The following UGT1A10 variants were observed in gnomAD, a reference collection of about 807,000 sequenced individuals.
UGT1A10 encodes the protein UDP-glucuronosyltransferase 1A10.
A neutral mutation model predicts 45.8 loss-of-function variants in UGT1A10; 49 were observed. The observed-to-expected ratio is 1.07, with a 90% confidence interval of 0.85 to 1.36. The LOEUF is 1.36. UGT1A10 is among the 40% of genes most tolerant of loss of function. The pLI is 0.00. For synonymous variants in UGT1A10, 284 were observed against 249.7 expected (o/e 1.14, Z -1.29); for missense variants, 745 against 668.6 (o/e 1.11, Z -1.26).
intron 1 of UGT1A10, among the ~76,000 whole-genome samples, chr2:233,657,055 C>T (rs2073870971): frequency 6.6e-6 from 1 of 152,116 alleles, no homozygotes; most frequent in Admixed American, 6.6e-5. Flanking sequence ...CTTCCCCTCA[C>T]CAGCTTCTTT....
intron 1 of UGT1A10, among the ~76,000 whole-genome samples, chr2:233,656,265 C>T (rs751110291): frequency 1.5e-4 from 23 of 152,204 alleles, no homozygotes; most frequent in Non-Finnish European, 2.8e-4. Context: ...CAAAAGGTCT[C>T]TTCAGGGCAC....
At chr2:233,747,652 A>G in intron 1 of UGT1A10, 1 of 1,589,470 alleles carries the variant, frequency 6.3e-7, no homozygotes, top group East Asian at 2.2e-5. Flanking sequence ...ACTTCCTTCG[A>G]TGTGGTTTTA....
In UGT1A10 at chr2:233,636,994, G is replaced by A. The variant is rs1435665031; in HGVS notation, c.472G>A (p.Ala158Thr). ...TTTTGATACCTGTGGCTTAATTGTT[G>A]CTAAATATTTCTCCCTCCCCTCTGT... ...DPFDTCGLIV[A>T]KYFSLPSVVF... The change falls in exon 1 of 5, where the codon GCT (alanine) becomes ACT (threonine). Residue 158 changes from alanine to threonine, a missense_variant. By Grantham distance (58) the Ala-to-Thr change is moderately conservative. Transcript: ENST00000344644. The A allele has an allele frequency of 6.2e-7, 1 of 1,613,826 alleles. No homozygotes were observed. The highest frequency in any genetic ancestry group is 8.5e-7 in the Non-Finnish European group (1 of 1,179,998).
intron 1 of UGT1A10, among the ~76,000 whole-genome samples, chr2:233,764,647 G>A (rs1256748841): frequency 6.6e-6 from 1 of 152,124 alleles, no homozygotes; most frequent in Non-Finnish European, 1.5e-5. Context: ...GGAAATTTAA[G>A]TAAGCCATTT....
chr2:233,685,726 C>T (rs900091583), intron 1 of UGT1A10, among the ~76,000 whole-genome samples: 13 of 152,166 alleles, frequency 8.5e-5, no homozygotes, highest in Admixed American at 3.3e-4. Context: ...TGTACTGCTT[C>T]GTCTTTCTCC....
At chr2:233,669,276 A>T (rs1202746582) in intron 1 of UGT1A10, among the ~76,000 whole-genome samples, 3 of 152,094 alleles carry the variant, frequency 2.0e-5, no homozygotes, top group African/African-American at 7.2e-5. Context: ...TATTTTTTAA[A>T]AGTTATTTTT....
intron 1 of UGT1A10, among the ~76,000 whole-genome samples, chr2:233,647,550 T>G (rs2073636725): frequency 6.6e-6 from 1 of 152,230 alleles, no homozygotes; most frequent in East Asian, 1.9e-4. Flanking sequence ...AAGTCAAAAT[T>G]CAATTTGAAT....
chr2:233,694,000 G>A (rs763633601), intron 1 of UGT1A10: 38 of 1,484,348 alleles, frequency 2.6e-5, no homozygotes, highest in Middle Eastern at 2.5e-4. Context: ...TACCCGGCTC[G>A]GAGCAGCGGG....
chr2:233,721,249 T>C (rs2076931070), intron 1 of UGT1A10, among the ~76,000 whole-genome samples: 1 of 152,214 alleles, frequency 6.6e-6, no homozygotes, highest in Non-Finnish European at 1.5e-5. Flanking sequence ...GTAAAAAATA[T>C]ATATGTTCTT....
intron 1 of UGT1A10, among the ~76,000 whole-genome samples, chr2:233,750,390 A>T (rs1292559370): frequency 3.9e-5 from 6 of 151,942 alleles, no homozygotes; most frequent in Admixed American, 2.0e-4. Context: ...AAGTTTGGAA[A>T]ATTTGCAGCC....
At chr2:233,757,033 A>T (rs1308821076) in intron 1 of UGT1A10, among the ~76,000 whole-genome samples, 1 of 151,746 alleles carries the variant, frequency 6.6e-6, no homozygotes, top group African/African-American at 2.4e-5. Flanking sequence ...CAATTTGAGA[A>T]CATCAAAGGA....
At chr2:233,693,674 T>C in intron 1 of UGT1A10, 2 of 1,614,236 alleles carry the variant, frequency 1.2e-6, no homozygotes, top group Non-Finnish European at 1.7e-6. Flanking sequence ...TCTATTTTAT[T>C]GTCTGTTTTC....
In UGT1A10 at chr2:233,742,896, A is replaced by G. The variant is rs28900374; in HGVS notation, c.856-24138A>G. On this transcript the variant is annotated intron_variant, in intron 1 of 4. Coordinates refer to ENST00000344644, the MANE Select transcript of UGT1A10 (RefSeq NM_019075.4). ...CACCTGGCTCACACTTTCCCAACGG[A>G]AAAAGGTAATGCTCAAAGTGCTGAA... 1,545 of 165,018 alleles carry G rather than the reference A, an allele frequency of 9.4e-3. 58 individuals are homozygous for G. Among genetic ancestry groups the G allele is most frequent in the African/African-American group, 0.035 (1,468 of 41,444 alleles). 10.2% of individuals were successfully genotyped at this position (165,018 alleles called of 1,614,324 possible). A position where few individuals can be genotyped will look rare whatever the true frequency, so the allele number is the denominator to read the frequency against.
At chr2:233,659,214 C>T (rs1227295104) in intron 1 of UGT1A10, among the ~76,000 whole-genome samples, 1 of 152,126 alleles carries the variant, frequency 6.6e-6, no homozygotes, top group Non-Finnish European at 1.5e-5. Context: ...TTGTTCATTG[C>T]TAGTACAGTT....
chr2:233,666,455 G>A (rs912880403), intron 1 of UGT1A10, among the ~76,000 whole-genome samples: 5 of 152,022 alleles, frequency 3.3e-5, no homozygotes, highest in Admixed American at 6.6e-5. Context: ...TATCTTGAAC[G>A]TCTTTACATG....
At chr2:233,771,035 G>A (rs1472903021) in intron 4 of UGT1A10, 1 of 152,036 alleles carries the variant, frequency 6.6e-6, no homozygotes, top group South Asian at 2.1e-4. Context: ...TGGGGGGGAA[G>A]GTGCCACACA....
At chr2:233,637,421 G>A (rs746857577) in intron 1 of UGT1A10, 44 bp downstream of exon 1, 53 of 1,545,246 alleles carry the variant, frequency 3.4e-5, no homozygotes, top group Non-Finnish European at 4.6e-5. Context: ...ATCTGGCTTT[G>A]GAAATTAAAA....
At chr2:233,664,492 T>C (rs1339272289) in intron 1 of UGT1A10, among the ~76,000 whole-genome samples, 1 of 152,236 alleles carries the variant, frequency 6.6e-6, no homozygotes, top group Non-Finnish European at 1.5e-5. Flanking sequence ...CTCAAGATTT[T>C]GCAGGCTGTA....
chr2:233,677,508 C>G (rs1270056055), intron 1 of UGT1A10, among the ~76,000 whole-genome samples: 5 of 152,032 alleles, frequency 3.3e-5, no homozygotes, highest in Non-Finnish European at 5.9e-5. Flanking sequence ...AGTATTATAT[C>G]CTGTATTATG....
Sources: allele counts gnomAD v4.1 joint callset (sites outside exome capture counted in the v4.1 genomes callset), GRCh38; gene constraint gnomAD v4.1.1; transcripts MANE v1.5; gene names NCBI Gene and HGNC (gene_info 2026-07-23, HGNC 2026-07-21).